Variants in MTF1 observed in about 807,000 individuals in gnomAD.
MTF1 encodes the protein metal regulatory transcription factor 1.
A neutral mutation model predicts 70.4 loss-of-function variants in MTF1; 22 were observed. The ratio of observed to expected loss-of-function variants is 0.31; its 90% confidence interval spans 0.22 to 0.45. The LOEUF is 0.45. Among genes scored for constraint, MTF1 ranks in the 20% least tolerant of loss-of-function variants. MTF1 has a pLI of 1.00. For synonymous variants in MTF1, 333 were observed against 352.8 expected (o/e 0.94, Z 0.63); for missense variants, 649 against 922.0 (o/e 0.70, Z 3.83).
At chr1:37,826,423 G>T in intron 7 of MTF1, 1 of 350,802 alleles carries the variant, frequency 2.9e-6, no homozygotes, top group Admixed American at 3.8e-5. Context: ...TGGGACTACA[G>T]GCGCACGCCA....
At chr1:37,829,793 A>C (rs1641059935) in intron 7 of MTF1, among the ~76,000 whole-genome samples, 4 of 152,080 alleles carry the variant, frequency 2.6e-5, no homozygotes, top group Admixed American at 2.0e-4. Flanking sequence ...TCAAAAAAAA[A>C]AAAAGAAAAA....
rs1443275162 is a variant in MTF1 at position 37,816,688 on chromosome 1, A to AG, written c.1831+730_1831+731insC. On this transcript the variant is annotated intron_variant, in intron 10 of 10. Coordinates refer to ENST00000373036, the MANE Select transcript of MTF1 (RefSeq NM_005955.3). Reference sequence around the variant, plus strand: ...TGACTCCATCTCAAAAAAAAAAAAAAAAAGAAAGAAAAAAAAGAAAATTAG... The same window carrying AG: ...TGACTCCATCTCAAAAAAAAAAAAAAGAAAGAAAGAAAAAAAAGAAAATTAG... Among the ~76,000 whole-genome samples, 8 of 151,464 alleles carry AG rather than the reference A, an allele frequency of 5.3e-5. No individual in the cohort carries two copies. In the East Asian group the frequency reaches 5.8e-4, roughly 11 times the overall value.
In MTF1 at chr1:37,809,914, T is replaced by G. The variant is rs916040631; in HGVS notation, c.*5222A>C. 6 of 152,448 alleles carry G rather than the reference T, an allele frequency of 3.9e-5. No individual in the cohort carries two copies. The highest frequency in any genetic ancestry group is 1.4e-4 in the African/African-American group (6 of 41,388). 9.4% of individuals were successfully genotyped at this position (152,448 alleles called of 1,614,324 possible). ...AAGTTGTCACCAAGACCCCGGCCAA[T>G]GATTAGTGTATGTCAAAAAAAAGGG... is the stretch of plus-strand genomic sequence containing the variant. On this transcript the variant is annotated 3_prime_UTR_variant, in exon 11 of 11. Transcript: ENST00000373036.
chr1:37,847,651 C>T (rs1641353227), intron 2 of MTF1, among the ~76,000 whole-genome samples: 1 of 152,146 alleles, frequency 6.6e-6, no homozygotes, highest in Non-Finnish European at 1.5e-5. Flanking sequence ...GAGCTGGTAT[C>T]CACAGAACGC....
At chr1:37,825,758 C>G (rs1640993441) in intron 7 of MTF1, among the ~76,000 whole-genome samples, 1 of 152,210 alleles carries the variant, frequency 6.6e-6, no homozygotes. Flanking sequence ...CAATGATCTA[C>G]TTCCCCTTAA....
intron 2 of MTF1, among the ~76,000 whole-genome samples, chr1:37,852,406 A>G (rs1169314611): frequency 6.6e-6 from 1 of 152,168 alleles, no homozygotes; most frequent in East Asian, 1.9e-4. Context: ...GATTCCTATG[A>G]ATGGGATCAC....
chr1:37,830,030 G>C (rs1641063064), intron 7 of MTF1, among the ~76,000 whole-genome samples: 1 of 152,006 alleles, frequency 6.6e-6, no homozygotes, highest in African/African-American at 2.4e-5. Flanking sequence ...GGTGACCCTA[G>C]GGCTCCAGAA....
intron 2 of MTF1, among the ~76,000 whole-genome samples, chr1:37,852,463 T>G (rs1641430281): frequency 6.6e-6 from 1 of 152,176 alleles, no homozygotes. Context: ...CTCCTCAGCA[T>G]GCACACAGCA....
intron 2 of MTF1, among the ~76,000 whole-genome samples, chr1:37,848,787 C>T (rs1475824713): frequency 6.6e-6 from 1 of 152,206 alleles, no homozygotes; most frequent in African/African-American, 2.4e-5. Flanking sequence ...GAGCCTCACA[C>T]TTACAAGCCA....
At chr1:37,855,900 G>A (rs368541253) in intron 2 of MTF1, among the ~76,000 whole-genome samples, 3 of 152,056 alleles carry the variant, frequency 2.0e-5, no homozygotes, top group Non-Finnish European at 2.9e-5. Flanking sequence ...AGAGGTTGCA[G>A]TGAGCCAAGA....
intron 2 of MTF1, among the ~76,000 whole-genome samples, chr1:37,855,275 G>A (rs915323428): frequency 2.0e-5 from 3 of 152,100 alleles, no homozygotes; most frequent in African/African-American, 7.2e-5. Flanking sequence ...TAGAACCAGT[G>A]GGCAGCACCT....
At chr1:37,835,285 C>T in intron 5 of MTF1, 70 bp from the exon 6 acceptor site, 2 of 1,336,526 alleles carry the variant, frequency 1.5e-6, no homozygotes, top group Non-Finnish European at 2.1e-6. Context: ...TCTACCTTTC[C>T]CTAATAGAGG....
chr1:37,819,486 G>A (rs773287532), intron 9 of MTF1, among the ~76,000 whole-genome samples: 1 of 152,016 alleles, frequency 6.6e-6, no homozygotes, highest in African/African-American at 2.4e-5. Context: ...CACCCTTTTC[G>A]CTCTAGTATA....
chr1:37,840,595 A>C lies in MTF1; in HGVS notation c.409-437T>G, dbSNP rs115991898. On this transcript the variant is annotated intron_variant, in intron 2 of 10. Transcript: ENST00000373036. This position sits in a 1 kb window ranked among gnomAD's most constrained non-coding sequence, Gnocchi z 4.5. ...AAAACATCTGGAAATTTACATACTTAATCATCAAACATATTTCCCTAGATT... is the reference window on the plus strand; with the variant it reads ...AAAACATCTGGAAATTTACATACTTCATCATCAAACATATTTCCCTAGATT... 405 of 435,610 alleles carry C rather than the reference A, an allele frequency of 9.3e-4. 1 individual carries two copies. The highest frequency in any genetic ancestry group is 7.5e-3 in the African/African-American group (372 of 49,296). The allele number at this position is 435,610 out of a possible 1,614,324, so 27.0% of individuals were successfully genotyped here. A position where few individuals can be genotyped will look rare whatever the true frequency, so the allele number is the denominator to read the frequency against.
At chr1:37,850,168 G>GTTAAA (rs1004057487) in intron 2 of MTF1, among the ~76,000 whole-genome samples, 15 of 143,656 alleles carry the variant, frequency 1.0e-4, no homozygotes, top group Admixed American at 3.6e-4. Flanking sequence ...AGCCTGGGAG[G>GTTAAA]TTAAGGCTGC....
Position 37,847,670 on chromosome 1 carries a change from G to T in MTF1, c.409-7512C>A, listed in dbSNP as rs1323404952. On this transcript the variant is annotated intron_variant, in intron 2 of 10. Coordinates refer to ENST00000373036, the MANE Select transcript of MTF1 (RefSeq NM_005955.3). Reference sequence around the variant, plus strand: ...TGGTATCCACAGAACGCCTGCAGGGGACTACAGACAGGTTCTCATTTTAAA... The same window carrying T: ...TGGTATCCACAGAACGCCTGCAGGGTACTACAGACAGGTTCTCATTTTAAA... Among the ~76,000 whole-genome samples, 6 of 152,308 alleles carry T rather than the reference G, an allele frequency of 3.9e-5. No individual in the cohort carries two copies. In the East Asian group the frequency reaches 1.2e-3, roughly 29 times the overall value.
At chr1:37,850,307 T>C (rs1273926824) in intron 2 of MTF1, among the ~76,000 whole-genome samples, 1 of 151,394 alleles carries the variant, frequency 6.6e-6, no homozygotes, top group Non-Finnish European at 1.5e-5. Context: ...ATTAGAAATT[T>C]TGCAAGCTGG....
At chr1:37,838,552 GA>G (rs1166140712) in intron 4 of MTF1, 72 bp downstream of exon 4, 1 of 1,375,938 alleles carries the variant, frequency 7.3e-7, no homozygotes, top group African/African-American at 1.4e-5. Flanking sequence ...TTTCTTTTTT[GA>G]AAAATTCCAG....
At chr1:37,816,723 G>A (rs1640824260) in intron 10 of MTF1, among the ~76,000 whole-genome samples, 1 of 151,910 alleles carries the variant, frequency 6.6e-6, no homozygotes, top group Non-Finnish European at 1.5e-5. Context: ...GCCAGGCATG[G>A]TGGTGGAGCA....
Sources: gnomAD v4.1 joint callset for allele counts (sites outside exome capture counted in the v4.1 genomes callset) on GRCh38, gnomAD v4.1.1 for gene constraint, Gnocchi (gnomAD v3.1) non-coding constraint, MANE v1.5 for transcripts, NCBI Gene and HGNC (gene_info 2026-07-23, HGNC 2026-07-21) for gene names.